Variants in COLEC11 observed in about 807,000 individuals in gnomAD.
COLEC11 encodes collectin-11.
A neutral mutation model predicts 27.3 loss-of-function variants in COLEC11; 20 were observed. The ratio of observed to expected loss-of-function variants is 0.73; its 90% CI spans 0.51 to 1.06. COLEC11 has a LOEUF of 1.06. Ranked by LOEUF, COLEC11 falls within the 50% of genes least tolerant of loss-of-function variation. The probability of loss-of-function intolerance (pLI) is 0.00; values close to 1 mark genes in which losing one functional copy is unlikely to be tolerated. For synonymous variants in COLEC11, 163 were observed against 154.7 expected, an observed-to-expected ratio of 1.05 and a Z score of -0.40; for missense variants, 310 against 383.0, an observed-to-expected ratio of 0.81 and a Z score of 1.59.
intron 2 of COLEC11, chr2:3,604,884 C>T: frequency 2.7e-6 from 1 of 375,666 alleles, no homozygotes; most frequent in Non-Finnish European, 5.3e-6. Flanking sequence ...ACATTGCTTC[C>T]TGAGAGCTCT....
At chr2:3,625,768 G>T (rs905696879) in intron 3 of COLEC11, among the ~76,000 whole-genome samples, 2 of 151,596 alleles carry the variant, frequency 1.3e-5, no homozygotes, top group South Asian at 2.1e-4. Context: ...GAGTATCTGG[G>T]ATTACAGGCG....
rs765090666 is a variant in COLEC11, at chr2:3,603,670, G to A, written c.-26-645G>A. 120 of 1,550,846 alleles carry A rather than the reference G, an allele frequency of 7.7e-5. No homozygotes were observed. The highest frequency in any genetic ancestry group is 8.2e-5 in the African/African-American group (6 of 73,026). On this transcript the variant is annotated intron_variant, in intron 1 of 6. Transcript: ENST00000349077. The stretch of plus-strand genomic sequence containing the variant: ...GATGAAGAAACAAAGAGGTCAGCAC[G>A]TACCCGCCCCTCCTGGGATGGTCAG...
chr2:3,643,596 C>T lies in COLEC11; in HGVS notation c.424+57C>T, dbSNP rs1240547586. ...TCCCACCTCCCAGCCCTGTCCTGAG[C>T]CCCCCGGCAAGGGCTCTGCCGTGCC... is the stretch of plus-strand genomic sequence containing the variant. On this transcript the variant is annotated intron_variant, in intron 6 of 6. Transcript: ENST00000349077. 2.0e-5 allele frequency: 32 copies of T among 1,594,126 alleles called. No individual in the cohort carries two copies. In the East Asian group the frequency reaches 4.2e-4, roughly 21 times the overall value.
intron 3 of COLEC11, among the ~76,000 whole-genome samples, chr2:3,633,766 G>A (rs568685413): frequency 1.4e-4 from 22 of 152,156 alleles, no homozygotes; most frequent in Non-Finnish European, 2.5e-4. Flanking sequence ...GTTTGTCTTT[G>A]GACAGAAGGC....
intron 2 of COLEC11, among the ~76,000 whole-genome samples, chr2:3,612,218 ACACGCACACACATGCACC>A (rs376203277): frequency 0.023 from 3,502 of 151,846 alleles, 144 homozygotes; most frequent in African/African-American, 0.078. Flanking sequence ...ACATGCGGAC[ACACGCACACACATGCACC>A]CACGCACCCA....
At chr2:3,607,523 C>G (rs1350817062) in intron 2 of COLEC11, among the ~76,000 whole-genome samples, 1 of 132,670 alleles carries the variant, frequency 7.5e-6, no homozygotes, top group Non-Finnish European at 1.5e-5. Context: ...CCTTGGCTCA[C>G]TGCAGCCTCC....
intron 3 of COLEC11, among the ~76,000 whole-genome samples, chr2:3,635,236 T>C (rs1665315099): frequency 6.6e-6 from 1 of 151,728 alleles, no homozygotes; most frequent in African/African-American, 2.4e-5. Flanking sequence ...TGTGCGTGCC[T>C]CATCCACACA....
chr2:3,635,043 T>G (rs1421765696), intron 3 of COLEC11, among the ~76,000 whole-genome samples: 2 of 126,334 alleles, frequency 1.6e-5, no homozygotes, highest in Non-Finnish European at 3.5e-5. Flanking sequence ...TCAGGTGCCC[T>G]CCTGGCCCTT....
rs868473258 is a variant in COLEC11 at position 3,637,564 on chromosome 2, T to C, written c.234T>C (p.Ser78=). Residue 78 remains serine, a synonymous_variant, in exon 4 of 7, where the codon AGT becomes AGC. Coordinates refer to ENST00000349077, the MANE Select transcript of COLEC11 (RefSeq NM_024027.5). ...TGGGGGACAAAGGACAGAAAGGCAG[T>C]GTGGGTCGTCATGGAAAAATTGGTC... The part of the protein sequence containing the change: ...GDMGDKGQKG[S]VGRHGKIGPI... 6.2e-7 allele frequency: 1 copy of C among 1,614,128 alleles called. No individual in the cohort carries two copies. The highest frequency in any genetic ancestry group is 8.5e-7 in the Non-Finnish European group (1 of 1,180,006).
chr2:3,607,299 C>T (rs1321274325), intron 2 of COLEC11, among the ~76,000 whole-genome samples: 1 of 151,224 alleles, frequency 6.6e-6, no homozygotes, highest in Non-Finnish European at 1.5e-5. Context: ...AGAATGACAA[C>T]TCCTTTTAAT....
intron 2 of COLEC11, among the ~76,000 whole-genome samples, chr2:3,607,957 G>A (rs1662864036): frequency 6.6e-6 from 1 of 152,218 alleles, no homozygotes; most frequent in Admixed American, 6.5e-5. Flanking sequence ...CTGGGGTGCC[G>A]TGGCACTTGT....
At chr2:3,630,752 G>A (rs907498251) in intron 3 of COLEC11, among the ~76,000 whole-genome samples, 1 of 152,158 alleles carries the variant, frequency 6.6e-6, no homozygotes, top group African/African-American at 2.4e-5. Context: ...TCTGATAGTA[G>A]GTACATGTTA....
At chr2:3,629,478 A>T (rs1172698174) in intron 3 of COLEC11, among the ~76,000 whole-genome samples, 1 of 152,230 alleles carries the variant, frequency 6.6e-6, no homozygotes, top group Non-Finnish European at 1.5e-5. Flanking sequence ...AAGTAGGCTT[A>T]TGTACATGCA....
chr2:3,609,828 C>A (rs1178798424), intron 2 of COLEC11, among the ~76,000 whole-genome samples: 3 of 152,204 alleles, frequency 2.0e-5, no homozygotes, highest in East Asian at 1.9e-4. Flanking sequence ...CCATGCCCAA[C>A]CCCTGCTAAT....
At chr2:3,620,340 G>A (rs745736721) in intron 3 of COLEC11, among the ~76,000 whole-genome samples, 6 of 151,924 alleles carry the variant, frequency 3.9e-5, no homozygotes, top group Non-Finnish European at 7.4e-5. Context: ...AATTTTTGAT[G>A]TATAATTATT....
In COLEC11 at chr2:3,602,749, C is replaced by T. The variant is rs542171385; in HGVS notation, c.-26-1566C>T. ...TCTCCTGTCCTCTGTGCCCACCAGGCCAGCCCACCTCTCCCCGCACTGTCC... is the reference window on the plus strand; with the variant it reads ...TCTCCTGTCCTCTGTGCCCACCAGGTCAGCCCACCTCTCCCCGCACTGTCC... On this transcript the variant is annotated intron_variant, in intron 1 of 6. Transcript: ENST00000349077. This position sits in a 1 kb window ranked among gnomAD's most constrained non-coding sequence, Gnocchi z 6.2. 6.6e-6 allele frequency among the ~76,000 whole-genome samples: 1 copy of T among 152,248 alleles called. No homozygotes were observed. The highest frequency in any genetic ancestry group is 1.5e-5 in the Non-Finnish European group (1 of 68,038).
At chr2:3,637,665 C>T (rs888829499) in intron 4 of COLEC11, 61 bp downstream of exon 4, 2 of 1,278,170 alleles carry the variant, frequency 1.6e-6, no homozygotes, top group South Asian at 1.2e-5. Flanking sequence ...CGTCTGGATA[C>T]CCTGAGAATA....
intron 3 of COLEC11, among the ~76,000 whole-genome samples, chr2:3,628,748 C>G (rs1378143490): frequency 6.6e-6 from 1 of 152,226 alleles, no homozygotes; most frequent in Admixed American, 6.5e-5. Context: ...CTCTTTTTGC[C>G]TCTTCTCCAC....
chr2:3,599,058 A>G (rs202180028), intron 1 of COLEC11, among the ~76,000 whole-genome samples: 2 of 151,988 alleles, frequency 1.3e-5, no homozygotes, highest in Non-Finnish European at 2.9e-5. Flanking sequence ...GAAAGAGGAA[A>G]CAGCCAACAG....
Sources: allele counts gnomAD v4.1 joint callset (sites outside exome capture counted in the v4.1 genomes callset), GRCh38; gene constraint gnomAD v4.1.1; non-coding constraint Gnocchi (gnomAD v3.1); transcripts MANE v1.5; gene names NCBI Gene and HGNC (gene_info 2026-07-23, HGNC 2026-07-21).